Variants in RALYL observed in about 807,000 individuals in gnomAD.
The protein encoded by RALYL is RNA-binding Raly-like protein.
Under a neutral mutation model 35.1 loss-of-function variants are expected in RALYL, and 29 were observed. That is an observed-to-expected ratio of 0.83 (90% CI 0.61 to 1.13). The LOEUF is 1.13. Ranked by LOEUF, RALYL falls within the 50% of genes most tolerant of loss-of-function variation. RALYL has a pLI of 0.00. For synonymous variants in RALYL, 120 were observed against 127.6 expected, an observed-to-expected ratio of 0.94 and a Z score of 0.40; for missense variants, 359 against 360.4, an observed-to-expected ratio of 1.00 and a Z score of 0.03.
intron 1 of RALYL, among the ~76,000 whole-genome samples, chr8:84,304,135 T>G (rs1841346204): frequency 6.7e-6 from 1 of 150,342 alleles, no homozygotes; most frequent in Non-Finnish European, 1.5e-5. Context: ...TTATTTATTT[T>G]TAGATGGAGT....
At chr8:84,607,663 C>CT (rs1221937604) in intron 2 of RALYL, among the ~76,000 whole-genome samples, 1 of 152,076 alleles carries the variant, frequency 6.6e-6, no homozygotes, top group East Asian at 1.9e-4. Flanking sequence ...GCCCTGGACA[C>CT]TGAGCATTAG....
intron 1 of RALYL, among the ~76,000 whole-genome samples, chr8:84,345,561 A>T (rs1015751435): frequency 6.6e-6 from 1 of 152,058 alleles, no homozygotes; most frequent in Non-Finnish European, 1.5e-5. Context: ...ATTCAATGAA[A>T]TGATATCACC....
intron 2 of RALYL, among the ~76,000 whole-genome samples, chr8:84,551,984 A>G (rs2060749990): frequency 6.6e-6 from 1 of 152,142 alleles, no homozygotes; most frequent in Non-Finnish European, 1.5e-5. Flanking sequence ...ACAGAATAAC[A>G]GGAAAAAAAA....
At chr8:84,418,360 C>A (rs926423582) in intron 1 of RALYL, among the ~76,000 whole-genome samples, 1 of 152,008 alleles carries the variant, frequency 6.6e-6, no homozygotes, top group South Asian at 2.1e-4. Flanking sequence ...CATACGAATA[C>A]CCTGGCACAT....
intron 1 of RALYL, among the ~76,000 whole-genome samples, chr8:84,444,092 G>A (rs1275722179): frequency 6.6e-6 from 1 of 152,150 alleles, no homozygotes; most frequent in Non-Finnish European, 1.5e-5. Context: ...ACTTTGGGAT[G>A]TCAAGGCAGG....
chr8:84,252,682 C>T (rs771640710), intron 1 of RALYL, among the ~76,000 whole-genome samples: 1 of 152,026 alleles, frequency 6.6e-6, no homozygotes, highest in Non-Finnish European at 1.5e-5. Context: ...AAGTGTGATT[C>T]CTGGTGCACA....
intron 1 of RALYL, among the ~76,000 whole-genome samples, chr8:84,394,194 A>T (rs1035544775): frequency 1.2e-4 from 18 of 152,100 alleles, no homozygotes; most frequent in Admixed American, 1.0e-3. Flanking sequence ...ATTATAACAT[A>T]ATGAATCTGT....
intron 2 of RALYL, among the ~76,000 whole-genome samples, chr8:84,725,514 T>C (rs1479582238): frequency 6.6e-6 from 1 of 151,738 alleles, no homozygotes; most frequent in Non-Finnish European, 1.5e-5. Context: ...GTTGTGTCCT[T>C]TAGTAGCTGA....
At chr8:84,647,342 G>T (rs916770112) in intron 2 of RALYL, among the ~76,000 whole-genome samples, 3 of 151,992 alleles carry the variant, frequency 2.0e-5, no homozygotes, top group Non-Finnish European at 4.4e-5. Flanking sequence ...CTGGACTATG[G>T]ATGTGCAGGT....
chr8:84,341,678 T>G (rs77092801), intron 1 of RALYL, among the ~76,000 whole-genome samples: 3,450 of 152,114 alleles, frequency 0.023, 131 homozygotes, highest in African/African-American at 0.078. Context: ...ACATTCCTAA[T>G]AATAGAAATA....
At chr8:84,634,396 A>G (rs2131286798) in intron 2 of RALYL, among the ~76,000 whole-genome samples, 1 of 151,984 alleles carries the variant, frequency 6.6e-6, no homozygotes, top group South Asian at 2.1e-4. Context: ...TTTAGAAAAC[A>G]CTTCTAAAAT....
At chr8:84,330,139 C>A (rs77501443) in intron 1 of RALYL, among the ~76,000 whole-genome samples, 4,120 of 152,030 alleles carry the variant, frequency 0.027, 100 homozygotes, top group Non-Finnish European at 0.031. Context: ...AGATGCATAA[C>A]TTCTCTGGAA....
chr8:84,573,194 G>C (rs1444130256), intron 2 of RALYL, among the ~76,000 whole-genome samples: 1 of 150,656 alleles, frequency 6.6e-6, no homozygotes, highest in African/African-American at 2.4e-5. Context: ...TATAATTTCT[G>C]TTATTTTGTA....
At chr8:84,656,021 G>A (rs188213717) in intron 2 of RALYL, among the ~76,000 whole-genome samples, 101 of 152,202 alleles carry the variant, frequency 6.6e-4, no homozygotes, top group Middle Eastern at 3.4e-3. Flanking sequence ...CTACCTACTC[G>A]AAATGAATTT....
intron 1 of RALYL, among the ~76,000 whole-genome samples, chr8:84,353,266 C>T (rs1851242611): frequency 6.7e-6 from 1 of 150,038 alleles, no homozygotes; most frequent in African/African-American, 2.5e-5. Flanking sequence ...ATGGTTTTTA[C>T]TCCCATCGTT....
At chr8:84,262,515 GT>G (rs1474056774) in intron 1 of RALYL, among the ~76,000 whole-genome samples, 1 of 152,002 alleles carries the variant, frequency 6.6e-6, no homozygotes, top group Non-Finnish European at 1.5e-5. Context: ...ATGATTTGTT[GT>G]TTTTTATAAA....
chr8:84,328,105 A>C (rs1846150833), intron 1 of RALYL, among the ~76,000 whole-genome samples: 1 of 152,168 alleles, frequency 6.6e-6, no homozygotes, highest in Non-Finnish European at 1.5e-5. Context: ...TTATTACGGT[A>C]ACATTAATTA....
At chr8:84,563,978 C>A (rs2061620214) in intron 2 of RALYL, among the ~76,000 whole-genome samples, 1 of 151,212 alleles carries the variant, frequency 6.6e-6, no homozygotes, top group Non-Finnish European at 1.5e-5. Flanking sequence ...GAGAATTTCC[C>A]TGGGGGAATT....
In RALYL at chr8:84,330,516, T is replaced by TAC. The variant is rs1268925962; in HGVS notation, c.-24+146095_-24+146096dup. ...TGGGAGGTGGCAAAATGCTGTAGGA[T>TAC]ACACTCATAAAATGGATATTATTCA... On this transcript the variant is annotated intron_variant, in intron 1 of 8. Transcript: ENST00000521268. 9.2e-5 allele frequency among the ~76,000 whole-genome samples: 14 copies of TAC among 152,202 alleles called. No individual in the cohort carries two copies. In the East Asian group the frequency reaches 2.5e-3, roughly 27 times the overall value.
Sources: gnomAD v4.1 joint callset for allele counts (sites outside exome capture counted in the v4.1 genomes callset) on GRCh38, gnomAD v4.1.1 for gene constraint, MANE v1.5 for transcripts, NCBI Gene and HGNC (gene_info 2026-07-23, HGNC 2026-07-21) for gene names.